Variants in MIER3 observed in about 807,000 individuals in gnomAD.
MIER3 encodes mesoderm induction early response protein 3.
In MIER3, 9 loss-of-function variants were observed where a neutral mutation model predicts 63.2. The observed-to-expected ratio is 0.14, with a 90% confidence interval of 0.09 to 0.25. The LOEUF (loss-of-function observed/expected upper bound fraction) is 0.25. MIER3 is among the 10% of genes least tolerant of loss of function. MIER3 has a pLI of 1.00. For synonymous variants in MIER3, 205 were observed against 224.9 expected (o/e 0.91, Z 0.79); for missense variants, 512 against 666.2 (o/e 0.77, Z 2.55).
At chr5:56,930,267 C>A (rs536050536) in intron 9 of MIER3, among the ~76,000 whole-genome samples, 1 of 150,896 alleles carries the variant, frequency 6.6e-6, no homozygotes, top group African/African-American at 2.4e-5. Context: ...ATAAATTCAG[C>A]GGAATATATT....
Position 56,920,817 on chromosome 5 carries a change from C to T in MIER3, c.*2311G>A, listed in dbSNP as rs1035395552. On this transcript the variant is annotated 3_prime_UTR_variant, in exon 13 of 13. Coordinates refer to ENST00000381199, the MANE Select transcript of MIER3 (RefSeq NM_001297599.2). ...GATATGAAGAATTTACACTTATATA[C>T]AAAAATCTTGCAAATTATTGCCTCA... 4 of 152,334 alleles carry T rather than the reference C, an allele frequency of 2.6e-5. No homozygotes were observed. Among genetic ancestry groups the T allele is most frequent in the Non-Finnish European group, 5.9e-5 (4 of 67,904 alleles). The allele number at this position is 152,334 out of a possible 1,614,324, so 9.4% of individuals were successfully genotyped here.
At chr5:56,930,542 A>C (rs1224000559) in intron 9 of MIER3, 122 bp downstream of exon 9, 1 of 800,136 alleles carries the variant, frequency 1.2e-6, no homozygotes, top group African/African-American at 1.7e-5. Context: ...TTTGCTATGG[A>C]GCTGAACCAG....
chr5:56,923,882 G>A (rs927297492), intron 11 of MIER3, 33 bp downstream of exon 11: 18 of 1,613,730 alleles, frequency 1.1e-5, no homozygotes, highest in Non-Finnish European at 1.4e-5. Flanking sequence ...ACAGTTAAAA[G>A]TAAGTCTTTG....
At position 56,919,856 on chromosome 5, in the gene MIER3, T is replaced by C. The variant is rs1351599748; in HGVS notation, c.*3272A>G. Reference sequence around the variant, plus strand: ...AAGAGGAATATTAATATCTACCATATTTAACAATAAAACTAATAGTTTCCT... The same window carrying C: ...AAGAGGAATATTAATATCTACCATACTTAACAATAAAACTAATAGTTTCCT... On this transcript the variant is annotated 3_prime_UTR_variant, in exon 13 of 13. Transcript: ENST00000381199. 1.3e-5 allele frequency: 2 copies of C among 152,644 alleles called. No individual in the cohort carries two copies. Among genetic ancestry groups the C allele is most frequent in the Non-Finnish European group, 1.5e-5 (1 of 68,020 alleles). 9.5% of individuals were successfully genotyped at this position (152,644 alleles called of 1,614,324 possible).
intron 10 of MIER3, 36 bp from the exon 11 acceptor site, chr5:56,924,078 ACT>A: frequency 1.3e-6 from 2 of 1,587,506 alleles, no homozygotes; most frequent in South Asian, 1.2e-5. Context: ...AAACCAACAA[ACT>A]CAACCATTTT....
At chr5:56,949,280 C>A (rs1164237617) in intron 2 of MIER3, among the ~76,000 whole-genome samples, 1 of 152,122 alleles carries the variant, frequency 6.6e-6, no homozygotes, top group Non-Finnish European at 1.5e-5. Flanking sequence ...ACAGCTTGAA[C>A]CTCAAAGGCG....
chr5:56,929,005 A>ACACACACACACTCT (rs777014337), intron 9 of MIER3, 144 bp from the exon 10 acceptor site: 18 of 510,950 alleles, frequency 3.5e-5, no homozygotes, highest in African/African-American at 3.4e-4. Context: ...ACACACACAC[A>ACACACACACACTCT]CTCTCTCTCT....
intron 1 of MIER3, 61 bp downstream of exon 1, chr5:56,952,033 C>G: frequency 3.5e-5 from 43 of 1,244,794 alleles, no homozygotes; most frequent in Non-Finnish European, 4.2e-5. Context: ...GCTCGGGGGT[C>G]GCGGGGAGCC....
chr5:56,945,622 C>T (rs1035806553), intron 3 of MIER3, among the ~76,000 whole-genome samples: 3 of 152,102 alleles, frequency 2.0e-5, no homozygotes, highest in African/African-American at 4.8e-5. Flanking sequence ...AGTGCTACTA[C>T]GAGAAAATTG....
chr5:56,926,481 A>C (rs1257023132), intron 10 of MIER3, among the ~76,000 whole-genome samples: 7 of 152,160 alleles, frequency 4.6e-5, no homozygotes, highest in Non-Finnish European at 1.5e-5. Context: ...AATAAGCATA[A>C]GAAAAGATGG....
intron 3 of MIER3, among the ~76,000 whole-genome samples, chr5:56,939,771 G>A (rs1750576086): frequency 6.6e-6 from 1 of 152,192 alleles, no homozygotes; most frequent in African/African-American, 2.4e-5. Flanking sequence ...AGGAATCCAT[G>A]TGAAAATAAG....
intron 1 of MIER3, 41 bp from the exon 2 acceptor site, chr5:56,950,693 C>G (rs1243091258): frequency 4.3e-6 from 7 of 1,610,698 alleles, no homozygotes; most frequent in African/African-American, 1.3e-5. Context: ...GATCGCACAG[C>G]CAGGGAAAGA....
At chr5:56,951,478 T>C (rs1751027486) in intron 1 of MIER3, among the ~76,000 whole-genome samples, 1 of 152,122 alleles carries the variant, frequency 6.6e-6, no homozygotes. Flanking sequence ...GGTCTGCCCT[T>C]TAACCCCAGG....
In MIER3 at chr5:56,920,805, T is replaced by C. The variant is rs1749636601; in HGVS notation, c.*2323A>G. Reference sequence around the variant, plus strand: ...TAGATCTAAAAAGATATGAAGAATTTACACTTATATACAAAAATCTTGCAA... The same window carrying C: ...TAGATCTAAAAAGATATGAAGAATTCACACTTATATACAAAAATCTTGCAA... On this transcript the variant is annotated 3_prime_UTR_variant, in exon 13 of 13. Coordinates refer to ENST00000381199, the MANE Select transcript of MIER3 (RefSeq NM_001297599.2). 6.6e-6 allele frequency: 1 copy of C among 152,440 alleles called. No individual in the cohort carries two copies. The highest frequency in any genetic ancestry group is 1.9e-4 in the East Asian group (1 of 5,200). 9.4% of individuals were successfully genotyped at this position (152,440 alleles called of 1,614,324 possible). A position where few individuals can be genotyped will look rare whatever the true frequency, so the allele number is the denominator to read the frequency against.
Position 56,935,745 on chromosome 5 carries a change from G to C in MIER3, c.443C>G (p.Thr148Ser), listed in dbSNP as rs1418241600. 2 of 1,612,868 alleles carry C rather than the reference G, an allele frequency of 1.2e-6. No homozygotes were observed. Among genetic ancestry groups the C allele is most frequent in the Non-Finnish European group, 8.5e-7 (1 of 1,179,620 alleles). Residue 148 changes from threonine to serine, a missense_variant, in exon 6 of 13, where the codon ACT becomes AGT. Physicochemically the swap from Thr to Ser is moderately conservative, Grantham distance 58. Coordinates refer to ENST00000381199, the MANE Select transcript of MIER3 (RefSeq NM_001297599.2). ...TGATTCCTTATCACCATCACATGCA[G>C]TATTTGCTTAAAAGACAAAAATTAA... Reference protein sequence around the residue: ...DFFPRPLRSNTACDGDKESEV... With the variant: ...DFFPRPLRSNSACDGDKESEV...
intron 3 of MIER3, among the ~76,000 whole-genome samples, chr5:56,940,020 A>G (rs1348385579): frequency 1.3e-5 from 2 of 152,174 alleles, no homozygotes; most frequent in African/African-American, 4.8e-5. Flanking sequence ...TTTAACTACT[A>G]AAGTGTATAG....
rs1372710245 is a variant in MIER3, at chr5:56,920,479, TTGTTA to T, written c.*2644_*2648del. 6.6e-6 allele frequency: 1 copy of T among 152,592 alleles called. No individual in the cohort carries two copies. The highest frequency in any genetic ancestry group is 1.5e-5 in the Non-Finnish European group (1 of 67,964). 9.5% of individuals were successfully genotyped at this position (152,592 alleles called of 1,614,324 possible). On this transcript the variant is annotated 3_prime_UTR_variant, in exon 13 of 13. Transcript: ENST00000381199. ...AAAAACAAAAAGAATTTATCACAGT[TTGTTA>T]TAAGAATTGTGCTTAACACTTGATA...
intron 1 of MIER3, 66 bp from the exon 2 acceptor site, chr5:56,950,718 CAG>C: frequency 6.3e-7 from 1 of 1,586,116 alleles, no homozygotes; most frequent in Non-Finnish European, 8.6e-7. Flanking sequence ...GCGCCGGCAA[CAG>C]GGCGCAGAGG....
intron 5 of MIER3, among the ~76,000 whole-genome samples, chr5:56,936,048 C>A (rs1327797933): frequency 1.3e-5 from 2 of 151,880 alleles, no homozygotes; most frequent in Non-Finnish European, 2.9e-5. Flanking sequence ...CCGACAGGCT[C>A]TACTAAAAAT....
Sources: gnomAD v4.1 joint callset for allele counts (sites outside exome capture counted in the v4.1 genomes callset) on GRCh38, gnomAD v4.1.1 for gene constraint, MANE v1.5 for transcripts, NCBI Gene and HGNC (gene_info 2026-07-23, HGNC 2026-07-21) for gene names.